Variants in RIN2 observed in about 807,000 individuals in gnomAD.
The protein encoded by RIN2 is Ras and Rab interactor 2.
A neutral mutation model predicts 78.0 loss-of-function variants in RIN2; 36 were observed. That is an observed-to-expected ratio of 0.46 (90% CI 0.35 to 0.61). The LOEUF (loss-of-function observed/expected upper bound fraction) is 0.61. Ranked by LOEUF, RIN2 falls within the 20% of genes least tolerant of loss-of-function variation. The probability of loss-of-function intolerance (pLI) is 0.00; values close to 1 mark genes in which losing one functional copy is unlikely to be tolerated. For missense variants in RIN2, 1,087 were observed against 1,159.7 expected, an observed-to-expected ratio of 0.94 and a Z score of 0.91; for synonymous variants, 466 against 466.8, an observed-to-expected ratio of 1.00 and a Z score of 0.02.
intron 2 of RIN2, among the ~76,000 whole-genome samples, chr20:19,838,872 C>T (rs981230690): frequency 1.4e-4 from 21 of 152,070 alleles, no homozygotes; most frequent in Middle Eastern, 3.2e-3. Flanking sequence ...CTGGGGTCCC[C>T]GAGACTTCAC....
intron 2 of RIN2, among the ~76,000 whole-genome samples, chr20:19,877,396 GA>G (rs1422372877): frequency 5.9e-5 from 9 of 152,184 alleles, no homozygotes; most frequent in Non-Finnish European, 1.2e-4. Context: ...AGAATGTTTG[GA>G]GGGGAAAGGC....
intron 1 of RIN2, among the ~76,000 whole-genome samples, chr20:19,769,245 T>G (rs1268347942): frequency 1.3e-5 from 2 of 152,212 alleles, no homozygotes; most frequent in African/African-American, 4.8e-5. Flanking sequence ...CGGCCAGCTT[T>G]CTGTTTCTAT....
chr20:19,771,574 C>T (rs1040437434), intron 1 of RIN2, among the ~76,000 whole-genome samples: 3 of 152,162 alleles, frequency 2.0e-5, no homozygotes, highest in African/African-American at 4.8e-5. Context: ...GGCTGTCGGT[C>T]TCGAGGGGTC....
In RIN2 at chr20:19,937,834, G is replaced by A. The variant is rs138363580; in HGVS notation, c.158+2635G>A. On this transcript the variant is annotated intron_variant, in intron 4 of 12. Transcript: ENST00000255006. ...CAATCTCTGTAACAGCTGTGACAACGGTGAAACCTCTGTGGTTTCTGTTGG... is the reference window on the plus strand; with the variant it reads ...CAATCTCTGTAACAGCTGTGACAACAGTGAAACCTCTGTGGTTTCTGTTGG... Among the ~76,000 whole-genome samples, 349 of 152,322 alleles carry A rather than the reference G, an allele frequency of 2.3e-3. 1 individual carries two copies. The highest frequency in any genetic ancestry group is 2.8e-3 in the Non-Finnish European group (188 of 68,028).
intron 3 of RIN2, among the ~76,000 whole-genome samples, chr20:19,915,133 C>T (rs2039631273): frequency 6.6e-6 from 1 of 152,152 alleles, no homozygotes; most frequent in Non-Finnish European, 1.5e-5. Context: ...TGTTTGGGTT[C>T]CTCCAGTAGC....
intron 2 of RIN2, among the ~76,000 whole-genome samples, chr20:19,831,010 C>T (rs938006713): frequency 2.0e-5 from 3 of 152,302 alleles, no homozygotes; most frequent in East Asian, 1.9e-4. Context: ...ATCCCACGGG[C>T]GCTCCTTAAT....
intron 2 of RIN2, among the ~76,000 whole-genome samples, chr20:19,852,891 T>C (rs1380741973): frequency 1.3e-5 from 2 of 152,132 alleles, no homozygotes; most frequent in Non-Finnish European, 2.9e-5. Flanking sequence ...CCTTTTTTTT[T>C]TAATTATTAT....
At chr20:19,808,477 A>G (rs1253811592) in intron 2 of RIN2, among the ~76,000 whole-genome samples, 1 of 152,284 alleles carries the variant, frequency 6.6e-6, no homozygotes, top group East Asian at 1.9e-4. Flanking sequence ...GTCTGCCATG[A>G]GCTCTTTCCA....
At chr20:19,808,880 C>T (rs113563744) in intron 2 of RIN2, among the ~76,000 whole-genome samples, 5,896 of 152,170 alleles carry the variant, frequency 0.039, 263 homozygotes, top group African/African-American at 0.11. Flanking sequence ...GGTCAGGAGA[C>T]GACATGCAGT....
chr20:19,967,102 A>T (rs1448248458), intron 7 of RIN2, among the ~76,000 whole-genome samples: 1 of 152,212 alleles, frequency 6.6e-6, no homozygotes, highest in African/African-American at 2.4e-5. Context: ...CATTACACCT[A>T]CAAAGCAATA....
In RIN2 at chr20:19,975,101, C is replaced by A; in HGVS notation, c.1076C>A (p.Pro359His). 1 of 1,613,502 alleles carries A rather than the reference C, an allele frequency of 6.2e-7. No individual in the cohort carries two copies. The highest frequency in any genetic ancestry group is 8.5e-7 in the Non-Finnish European group (1 of 1,179,888). ...ACGAAACCAACTCCCATCCCTCCAC[C>A]CCGGCTGAAGAAGCAGGCTTCTTTT... ...PGTKPTPIPPPRLKKQASFLE... is the reference protein window; with the variant it reads ...PGTKPTPIPPHRLKKQASFLE... The change falls in exon 9 of 13, where the codon CCC becomes CAC. Residue 359 changes from proline to histidine, a missense_variant. Transcript: ENST00000255006. This position sits in a 1 kb window ranked among gnomAD's most constrained non-coding sequence, Gnocchi z 4.9.
intron 4 of RIN2, among the ~76,000 whole-genome samples, chr20:19,942,940 A>G (rs1293036652): frequency 6.6e-6 from 1 of 152,240 alleles, no homozygotes; most frequent in African/African-American, 2.4e-5. Flanking sequence ...TATATTGGCA[A>G]TTGGTTCTGC....
At chr20:19,857,575 A>T (rs1378319629) in intron 2 of RIN2, among the ~76,000 whole-genome samples, 1 of 152,156 alleles carries the variant, frequency 6.6e-6, no homozygotes, top group East Asian at 1.9e-4. Flanking sequence ...AGTTGGACCA[A>T]TTTTTATTCC....
At chr20:19,962,609 A>G (rs2041801393) in intron 6 of RIN2, among the ~76,000 whole-genome samples, 2 of 152,226 alleles carry the variant, frequency 1.3e-5, no homozygotes, top group Admixed American at 1.3e-4. Context: ...GGTCATAACT[A>G]GTTACCACAG....
Position 19,834,947 on chromosome 20 carries a change from AAGAG to A in RIN2, c.-37+35218_-37+35221del, listed in dbSNP as rs5840858. ...CAACAGAGCAGGACCCTGTGAAGAA[AAGAG>A]AGAGAGAGAGAGAGAGAAAGAAAGA... On this transcript the variant is annotated intron_variant, in intron 2 of 12. Transcript: ENST00000255006. Among the ~76,000 whole-genome samples, 842 of 143,820 alleles carry A rather than the reference AAGAG, an allele frequency of 5.9e-3. 10 individuals are homozygous for A. The highest frequency in any genetic ancestry group is 0.019 in the African/African-American group (742 of 38,940). The allele number at this position is 143,820 out of a possible 152,430, so 94.4% of individuals were successfully genotyped here.
chr20:19,942,495 G>A (rs1324360768), intron 4 of RIN2, among the ~76,000 whole-genome samples: 3 of 152,218 alleles, frequency 2.0e-5, no homozygotes, highest in South Asian at 2.1e-4. Context: ...CGTGTACATG[G>A]TGGAAAAAGC....
At chr20:19,929,317 G>A (rs1272448711) in intron 3 of RIN2, among the ~76,000 whole-genome samples, 1 of 151,946 alleles carries the variant, frequency 6.6e-6, no homozygotes, top group South Asian at 2.1e-4. Flanking sequence ...AGTAGCACCA[G>A]TTTTTTGTGT....
intron 2 of RIN2, among the ~76,000 whole-genome samples, chr20:19,833,296 T>TATATATATATATATATATA (rs1568794611): frequency 6.6e-6 from 1 of 152,132 alleles, no homozygotes; most frequent in African/African-American, 2.4e-5. Flanking sequence ...TATATATATA[T>TATATATATATATATATATA]TTTAACTTTA....
At chr20:19,960,198 CA>C (rs922462435) in intron 5 of RIN2, among the ~76,000 whole-genome samples, 20 of 152,198 alleles carry the variant, frequency 1.3e-4, no homozygotes, top group African/African-American at 4.6e-4. Flanking sequence ...AAACAAAAAA[CA>C]AAGCAACTTC....
Sources: gnomAD v4.1 joint callset for allele counts (sites outside exome capture counted in the v4.1 genomes callset) on GRCh38, gnomAD v4.1.1 for gene constraint, Gnocchi (gnomAD v3.1) non-coding constraint, MANE v1.5 for transcripts, NCBI Gene and HGNC (gene_info 2026-07-23, HGNC 2026-07-21) for gene names.